EVI5: variants seen among roughly 807,000 people sequenced by gnomAD.
EVI5 encodes ecotropic viral integration site 5 protein homolog.
Under a neutral mutation model 112.0 loss-of-function variants are expected in EVI5, and 73 were observed. The observed-to-expected ratio is 0.65, with a 90% CI of 0.54 to 0.79. The LOEUF (loss-of-function observed/expected upper bound fraction) is 0.79, where lower values mean the gene tolerates loss of function less well. Ranked by LOEUF, EVI5 falls within the 30% of genes least tolerant of loss-of-function variation. The probability of loss-of-function intolerance (pLI) is 0.00; values close to 1 mark genes in which losing one functional copy is unlikely to be tolerated. For synonymous variants in EVI5, 305 were observed against 319.9 expected (o/e 0.95, Z 0.50); for missense variants, 900 against 968.8 (o/e 0.93, Z 0.94).
rs541899688 is a variant in EVI5 at position 92,683,260 on chromosome 1, C to T, written c.1098-6042G>A. On this transcript the variant is annotated intron_variant, in intron 9 of 19. Coordinates refer to ENST00000684568, the MANE Select transcript of EVI5 (RefSeq NM_001350197.2). ...TGTTCTGCAGTCTCCGCTGATGATACCCATGCAAACAGGGTCTGGAGTGGA... is the reference window on the plus strand; with the variant it reads ...TGTTCTGCAGTCTCCGCTGATGATATCCATGCAAACAGGGTCTGGAGTGGA... Among the ~76,000 whole-genome samples the T allele has an allele frequency of 9.9e-5, 15 of 152,240 alleles. No homozygotes were observed. In the East Asian group the frequency reaches 2.9e-3, roughly 29 times the overall value.
chr1:92,645,929 A>T (rs1364134394), intron 13 of EVI5, among the ~76,000 whole-genome samples: 2 of 152,028 alleles, frequency 1.3e-5, no homozygotes, highest in Admixed American at 6.6e-5. Flanking sequence ...TCTCAAGGCA[A>T]CCACAACTCT....
At chr1:92,760,854 A>C (rs1570818865) in intron 1 of EVI5, among the ~76,000 whole-genome samples, 1 of 152,102 alleles carries the variant, frequency 6.6e-6, no homozygotes, top group African/African-American at 2.4e-5. Context: ...CAGGAGATCG[A>C]GACCATCCTG....
At chr1:92,779,487 A>C (rs1570937842) in intron 1 of EVI5, among the ~76,000 whole-genome samples, 2 of 151,708 alleles carry the variant, frequency 1.3e-5, no homozygotes, top group Non-Finnish European at 2.9e-5. Context: ...ACGCCACTGC[A>C]CTCTAGCCTG....
rs147009599 is a variant in EVI5, at chr1:92,633,179, T to C, written c.1527+3023A>G. On this transcript the variant is annotated intron_variant, in intron 14 of 19. Coordinates refer to ENST00000684568, the MANE Select transcript of EVI5 (RefSeq NM_001350197.2). ...TTTGGGGTGGAGAGTTCTGTAGATG[T>C]CTATTAGGTCCACTTCGTGCAGAGC... Among the ~76,000 whole-genome samples, 354 of 152,332 alleles carry C rather than the reference T, an allele frequency of 2.3e-3. 2 individuals are homozygous for C. The highest frequency in any genetic ancestry group is 7.6e-3 in the African/African-American group (318 of 41,570).
chr1:92,582,468 G>A (rs369552125), intron 18 of EVI5, among the ~76,000 whole-genome samples: 6 of 152,028 alleles, frequency 3.9e-5, no homozygotes, highest in Non-Finnish European at 5.9e-5. Flanking sequence ...TGATGAGAAG[G>A]TATCAGTCAT....
rs1178773482 is a variant in EVI5 at position 92,589,566 on chromosome 1, GGA to G, written c.2070+15739_2070+15740del. 3.2e-4 allele frequency among the ~76,000 whole-genome samples: 49 copies of G among 152,220 alleles called. 1 individual carries two copies. Among genetic ancestry groups the G allele is most frequent in the Non-Finnish European group, 7.1e-4 (48 of 68,034 alleles). On this transcript the variant is annotated intron_variant, in intron 18 of 19. Transcript: ENST00000684568. ...ACTGCAAGGCGGCAGCGAGGCTGGG[GGA>G]GGGGCGCCTGCCACTGCCGAGGCTT...
At chr1:92,735,686 C>CATAT (rs3042592) in intron 2 of EVI5, among the ~76,000 whole-genome samples, 3 of 140,298 alleles carry the variant, frequency 2.1e-5, no homozygotes, top group South Asian at 2.1e-4. Context: ...TTATATATAA[C>CATAT]ATATATATGA....
chr1:92,606,088 G>A (rs1650312800), intron 17 of EVI5, among the ~76,000 whole-genome samples: 1 of 152,158 alleles, frequency 6.6e-6, no homozygotes, highest in Non-Finnish European at 1.5e-5. Flanking sequence ...AAACACAGGG[G>A]AGATATCAGA....
At chr1:92,586,043 C>A (rs1672724094) in intron 18 of EVI5, among the ~76,000 whole-genome samples, 1 of 152,076 alleles carries the variant, frequency 6.6e-6, no homozygotes, top group Non-Finnish European at 1.5e-5. Context: ...TGATAGTTTT[C>A]TCATGGTAAG....
chr1:92,622,427 A>G, intron 16 of EVI5: 1 of 334,004 alleles, frequency 3.0e-6, no homozygotes, highest in African/African-American at 2.2e-5. Flanking sequence ...ACACAAGGAA[A>G]CATAAGCAAG....
intron 19 of EVI5, among the ~76,000 whole-genome samples, chr1:92,517,815 T>C (rs910120106): frequency 6.6e-6 from 1 of 152,048 alleles, no homozygotes; most frequent in African/African-American, 2.4e-5. Context: ...GAAATCTCTT[T>C]GGGCTTATTA....
At chr1:92,535,757 C>T (rs1025715933) in intron 19 of EVI5, among the ~76,000 whole-genome samples, 14 of 151,014 alleles carry the variant, frequency 9.3e-5, no homozygotes, top group Non-Finnish European at 1.3e-4. Context: ...CGGGGCCTGT[C>T]GTGGGGTGGG....
intron 4 of EVI5, 138 bp from the exon 5 acceptor site, chr1:92,702,353 T>C (rs892061900): frequency 4.1e-6 from 2 of 487,244 alleles, no homozygotes; most frequent in Non-Finnish European, 7.4e-6. Context: ...TTATAGATGT[T>C]ATCCTATACA....
chr1:92,703,274 C>T, intron 4 of EVI5, 121 bp downstream of exon 4: 3 of 631,954 alleles, frequency 4.7e-6, no homozygotes, highest in Non-Finnish European at 8.0e-6. Context: ...ATGCTAAAAC[C>T]AATTTCACTG....
chr1:92,554,583 T>C (rs953219243), intron 19 of EVI5, among the ~76,000 whole-genome samples: 2 of 152,212 alleles, frequency 1.3e-5, no homozygotes, highest in Non-Finnish European at 2.9e-5. Flanking sequence ...ATTTCTAAAA[T>C]GGACTTTAAA....
At chr1:92,670,618 T>A (rs572761745) in intron 10 of EVI5, among the ~76,000 whole-genome samples, 1 of 152,348 alleles carries the variant, frequency 6.6e-6, no homozygotes, top group Non-Finnish European at 1.5e-5. Context: ...GACGTTTATT[T>A]AAATTACTGA....
At chr1:92,732,898 C>CAAAA (rs3042602) in intron 2 of EVI5, among the ~76,000 whole-genome samples, 90 of 88,836 alleles carry the variant, frequency 1.0e-3, no homozygotes, top group African/African-American at 2.1e-3. Flanking sequence ...GACTCCATCT[C>CAAAA]AAAAAAAAAA....
chr1:92,634,818 G>T (rs887229424), intron 14 of EVI5, among the ~76,000 whole-genome samples: 7 of 152,042 alleles, frequency 4.6e-5, no homozygotes, highest in African/African-American at 1.7e-4. Context: ...TTTTATCTAC[G>T]TTTGGTCTTC....
At chr1:92,751,410 T>C (rs1461021911) in intron 1 of EVI5, among the ~76,000 whole-genome samples, 1 of 152,186 alleles carries the variant, frequency 6.6e-6, no homozygotes, top group Non-Finnish European at 1.5e-5. Context: ...ACATGTGCTA[T>C]CAATCTTATA....
Sources: allele counts gnomAD v4.1 joint callset (sites outside exome capture counted in the v4.1 genomes callset), GRCh38; gene constraint gnomAD v4.1.1; transcripts MANE v1.5; gene names NCBI Gene and HGNC (gene_info 2026-07-23, HGNC 2026-07-21).